The following STXBP6 variants were observed in gnomAD, a reference collection of about 807,000 sequenced individuals.
STXBP6 encodes the protein syntaxin-binding protein 6.
STXBP6 carries 21 observed loss-of-function variants against 26.9 expected under a neutral mutation model. The ratio of observed to expected loss-of-function variants is 0.78; its 90% CI spans 0.55 to 1.12. The LOEUF is 1.12. Ranked by LOEUF, STXBP6 falls within the 50% of genes most tolerant of loss-of-function variation. The probability of loss-of-function intolerance (pLI) is 0.00; values close to 1 mark genes in which losing one functional copy is unlikely to be tolerated. For missense variants in STXBP6, 232 were observed against 257.9 expected, an observed-to-expected ratio of 0.90 and a Z score of 0.69; for synonymous variants, 97 against 92.6, an observed-to-expected ratio of 1.05 and a Z score of -0.27.
intron 2 of STXBP6, among the ~76,000 whole-genome samples, chr14:24,869,124 T>G (rs967191036): frequency 2.0e-5 from 3 of 152,212 alleles, no homozygotes; most frequent in African/African-American, 7.2e-5. Flanking sequence ...ATGACATATC[T>G]CCATTCCGAT....
chr14:24,921,667 T>C (rs1316118164), intron 2 of STXBP6, among the ~76,000 whole-genome samples: 1 of 152,064 alleles, frequency 6.6e-6, no homozygotes, highest in Non-Finnish European at 1.5e-5. Flanking sequence ...AGAACAAATA[T>C]CCACACCACA....
intron 1 of STXBP6, among the ~76,000 whole-genome samples, chr14:25,003,067 G>T (rs2074803821): frequency 6.6e-6 from 1 of 152,192 alleles, no homozygotes; most frequent in Admixed American, 6.5e-5. Flanking sequence ...AGGAATCAAA[G>T]ATGTGAAGAT....
chr14:25,039,230 T>A (rs2075602846), intron 1 of STXBP6, among the ~76,000 whole-genome samples: 1 of 152,072 alleles, frequency 6.6e-6, no homozygotes, highest in African/African-American at 2.4e-5. Context: ...AAAGTATAAA[T>A]TAGGGGGTTA....
intron 1 of STXBP6, among the ~76,000 whole-genome samples, chr14:24,990,866 G>C (rs1452700749): frequency 6.6e-6 from 1 of 151,538 alleles, no homozygotes; most frequent in African/African-American, 2.4e-5. Flanking sequence ...AGAAGAGGAG[G>C]GAGAGAGAGG....
chr14:24,945,139 A>ATTTTTTTTTTTTTTTTTTTTTTTTTTTTT (rs552562019), intron 2 of STXBP6, among the ~76,000 whole-genome samples: 2 of 100,718 alleles, frequency 2.0e-5, no homozygotes, highest in African/African-American at 7.3e-5. Context: ...CCAATTAGGA[A>ATTTTTTTTTTTTTTTTTTTTTTTTTTTTT]TTTTTTTTTT....
At chr14:24,902,556 C>T (rs967364472) in intron 2 of STXBP6, among the ~76,000 whole-genome samples, 13 of 152,164 alleles carry the variant, frequency 8.5e-5, no homozygotes, top group Non-Finnish European at 1.8e-4. Flanking sequence ...TGGGTAACAT[C>T]ACAACTCTAC....
chr14:24,838,389 C>CA lies in STXBP6; in HGVS notation c.451+17546dup, dbSNP rs1349905867. ...TGGAATTGGAGGAAATGTGGACATT[C>CA]AAAAAAAATGGCCAGGCTGGGCGTG... On this transcript the variant is annotated intron_variant, in intron 4 of 5. Transcript: ENST00000323944. 3.3e-5 allele frequency among the ~76,000 whole-genome samples: 5 copies of CA among 151,606 alleles called. No homozygotes were observed. In the South Asian group the frequency reaches 6.3e-4, roughly 19 times the overall value.
chr14:24,847,559 A>T (rs577910363), intron 4 of STXBP6, among the ~76,000 whole-genome samples: 1 of 152,282 alleles, frequency 6.6e-6, no homozygotes, highest in Non-Finnish European at 1.5e-5. Flanking sequence ...TGTAAATTTA[A>T]ATGTATGAGC....
chr14:25,003,915 C>A (rs2074827867), intron 1 of STXBP6, among the ~76,000 whole-genome samples: 2 of 152,312 alleles, frequency 1.3e-5, no homozygotes, highest in South Asian at 2.1e-4. Context: ...AGCAGCTCTC[C>A]CAGTTTAAGA....
intron 2 of STXBP6, among the ~76,000 whole-genome samples, chr14:24,882,573 G>C (rs1462336298): frequency 6.6e-6 from 1 of 151,768 alleles, no homozygotes; most frequent in Non-Finnish European, 1.5e-5. Context: ...TCTGCTTCTT[G>C]CCAAGCCTGA....
chr14:24,973,784 A>G lies in STXBP6; in HGVS notation c.154+881T>C, dbSNP rs551379660. On this transcript the variant is annotated intron_variant, in intron 2 of 5. Transcript: ENST00000323944. ...TACATGTTCTTTCTGGTAAAAAGTT[A>G]CTTTTACCCTAAAATAAATTCTGAT... is the stretch of plus-strand genomic sequence containing the variant. Among the ~76,000 whole-genome samples, 90 of 152,326 alleles carry G rather than the reference A, an allele frequency of 5.9e-4. 1 individual carries two copies. The highest frequency in any genetic ancestry group is 2.1e-3 in the African/African-American group (89 of 41,584).
intron 2 of STXBP6, among the ~76,000 whole-genome samples, chr14:24,920,678 C>A (rs552486102): frequency 1.3e-5 from 2 of 152,158 alleles, no homozygotes; most frequent in African/African-American, 4.8e-5. Context: ...TAAGAAGGAT[C>A]CTGTCTCCCT....
At chr14:24,812,986 G>C (rs2067866117) in intron 5 of STXBP6, among the ~76,000 whole-genome samples, 1 of 143,820 alleles carries the variant, frequency 7.0e-6, no homozygotes. Flanking sequence ...GCGGGAGGGA[G>C]TGCCTGTGTG....
At chr14:24,957,858 A>G (rs1289927921) in intron 2 of STXBP6, among the ~76,000 whole-genome samples, 1 of 152,224 alleles carries the variant, frequency 6.6e-6, no homozygotes, top group Non-Finnish European at 1.5e-5. Context: ...GCTCTTACAC[A>G]GTTACTTCTG....
chr14:24,825,375 T>C (rs1594912642), intron 4 of STXBP6, among the ~76,000 whole-genome samples: 1 of 152,194 alleles, frequency 6.6e-6, no homozygotes, highest in Non-Finnish European at 1.5e-5. Context: ...GCGTGCTCAA[T>C]GGTGGTTTCA....
intron 1 of STXBP6, among the ~76,000 whole-genome samples, chr14:25,029,587 G>A (rs1437515675): frequency 6.6e-6 from 1 of 151,988 alleles, no homozygotes; most frequent in Non-Finnish European, 1.5e-5. Flanking sequence ...AACTGAACCT[G>A]CAATATCTCT....
intron 2 of STXBP6, among the ~76,000 whole-genome samples, chr14:24,902,767 A>G (rs1319907209): frequency 6.6e-6 from 1 of 152,112 alleles, no homozygotes; most frequent in Non-Finnish European, 1.5e-5. Flanking sequence ...ATATCTCCTA[A>G]AGTGAAGGGG....
At chr14:24,871,643 A>C (rs1551775) in intron 2 of STXBP6, among the ~76,000 whole-genome samples, 24,665 of 152,210 alleles carry the variant, frequency 0.16, 2,367 homozygotes, top group Non-Finnish European at 0.23. Context: ...TCCTCTCCAG[A>C]GCAAGGACTG....
At chr14:25,005,610 T>C (rs923100726) in intron 1 of STXBP6, among the ~76,000 whole-genome samples, 1 of 152,180 alleles carries the variant, frequency 6.6e-6, no homozygotes, top group Non-Finnish European at 1.5e-5. Flanking sequence ...CACAGAATGC[T>C]TACACACAAA....
Sources: allele counts gnomAD v4.1 joint callset (sites outside exome capture counted in the v4.1 genomes callset), GRCh38; gene constraint gnomAD v4.1.1; transcripts MANE v1.5; gene names NCBI Gene and HGNC (gene_info 2026-07-23, HGNC 2026-07-21).